Variants in ADGRV1 observed in about 807,000 individuals in gnomAD.
The protein encoded by ADGRV1 is G-protein coupled receptor 98.
In ADGRV1, 359 loss-of-function variants were observed where a neutral mutation model predicts 596.2. The observed-to-expected ratio is 0.60, with a 90% CI of 0.55 to 0.66. The LOEUF (loss-of-function observed/expected upper bound fraction) is 0.66. ADGRV1 is among the 30% of genes least tolerant of loss of function. The probability of loss-of-function intolerance (pLI) is 0.00; values close to 1 mark genes in which losing one functional copy is unlikely to be tolerated. For missense variants in ADGRV1, 7,274 were observed against 7,575.6 expected (o/e 0.96, Z 1.48); for synonymous variants, 2,681 against 2,679.2 (o/e 1.00, Z -0.02).
At chr5:90,652,597 A>G (rs1349916412) in intron 19 of ADGRV1, 34 bp downstream of exon 19, 9 of 1,367,954 alleles carry the variant, frequency 6.6e-6, no homozygotes, top group Non-Finnish European at 9.1e-6. Context: ...TTTTATTTCC[A>G]TGTCTTATTT....
chr5:91,123,005 C>A (rs760360579), intron 87 of ADGRV1, among the ~76,000 whole-genome samples: 3 of 152,192 alleles, frequency 2.0e-5, no homozygotes, highest in Non-Finnish European at 4.4e-5. Flanking sequence ...CCCTGGTCAT[C>A]CTTTTTCCAT....
At chr5:91,095,219 T>G (rs1477225805) in intron 86 of ADGRV1, among the ~76,000 whole-genome samples, 1 of 152,020 alleles carries the variant, frequency 6.6e-6, no homozygotes, top group Non-Finnish European at 1.5e-5. Context: ...TTTTTTTTTT[T>G]TACACGGGGT....
At chr5:90,693,228 C>CTG (rs778035263) in intron 32 of ADGRV1, among the ~76,000 whole-genome samples, 110 of 68,180 alleles carry the variant, frequency 1.6e-3, no homozygotes, top group Admixed American at 2.7e-3. Context: ...TGACAAGTCC[C>CTG]TGGTATCCAC....
In ADGRV1 at chr5:90,628,789, C is replaced by T. The variant is rs371781264; in HGVS notation, c.1466C>T (p.Pro489Leu). 2 of 1,613,962 alleles carry T rather than the reference C, an allele frequency of 1.2e-6. No individual in the cohort carries two copies. The highest frequency in any genetic ancestry group is 1.7e-6 in the Non-Finnish European group (2 of 1,179,872). ...GAAGCTTATCTACTTCAAATTCTGC[C>T]TCATACAATACGAGGAGGTGCAGAA... ...EAEAYLLQIL[P>L]HTIRGGAEVS... Residue 489 changes from proline (P) to leucine (L), a missense_variant, in exon 8 of 90, where the codon CCT becomes CTT. Pro to Leu is a moderately conservative substitution (Grantham distance 98, BLOSUM62 -3). This residue lies in a region of ADGRV1 where 1,715 missense variants were observed against 1,708.8 expected (regional missense o/e 1.00). Coordinates refer to ENST00000405460, the MANE Select transcript of ADGRV1 (RefSeq NM_032119.4).
At chr5:90,881,350 C>T (rs529175208) in intron 83 of ADGRV1, among the ~76,000 whole-genome samples, 3 of 152,170 alleles carry the variant, frequency 2.0e-5, no homozygotes, top group East Asian at 3.9e-4. Context: ...CCAGTGTTGC[C>T]GGAAATTATG....
intron 84 of ADGRV1, among the ~76,000 whole-genome samples, chr5:90,977,305 C>T (rs1779698739): frequency 6.6e-6 from 1 of 152,112 alleles, no homozygotes; most frequent in Non-Finnish European, 1.5e-5. Context: ...TTCTTAGACT[C>T]CCATCTGAAA....
At chr5:91,131,252 C>T (rs1260659853) in intron 87 of ADGRV1, among the ~76,000 whole-genome samples, 1 of 152,148 alleles carries the variant, frequency 6.6e-6, no homozygotes, top group Non-Finnish European at 1.5e-5. Flanking sequence ...ATAAAAATTC[C>T]CTTTTCTCTA....
chr5:90,950,029 A>G (rs1776926055), intron 83 of ADGRV1, among the ~76,000 whole-genome samples: 1 of 152,176 alleles, frequency 6.6e-6, no homozygotes, highest in Non-Finnish European at 1.5e-5. Flanking sequence ...TTAACAATTG[A>G]ATGTTTCTGA....
chr5:90,729,509 G>A, intron 49 of ADGRV1, 133 bp from the exon 50 acceptor site: 1 of 681,230 alleles, frequency 1.5e-6, no homozygotes, highest in Non-Finnish European at 2.4e-6. Flanking sequence ...CTATTAACTT[G>A]TATTTTTATT....
intron 1 of ADGRV1, among the ~76,000 whole-genome samples, chr5:90,579,501 T>G (rs574830678): frequency 6.6e-6 from 1 of 152,218 alleles, no homozygotes; most frequent in South Asian, 2.1e-4. Context: ...TCTTTTACAT[T>G]TGCTGAGGAG....
Position 91,058,462 on chromosome 5 carries a change from C to CTT in ADGRV1, c.18153-13973_18153-13972dup, listed in dbSNP as rs11414131. 3.0e-3 allele frequency among the ~76,000 whole-genome samples: 436 copies of CTT among 144,388 alleles called. 1 individual carries two copies. The highest frequency in any genetic ancestry group is 5.5e-3 in the South Asian group (25 of 4,522). The allele number at this position is 144,388 out of a possible 152,430, so 94.7% of individuals were successfully genotyped here. A position where few individuals can be genotyped will look rare whatever the true frequency, so the allele number is the denominator to read the frequency against. On this transcript the variant is annotated intron_variant, in intron 85 of 89. Transcript: ENST00000405460. ...TCCATAAAATCGTTAGGTAATTGAC[C>CTT]TTTTTTTTTTTTTGGCATCTTTTGC...
chr5:90,642,567 T>G (rs1221546998), intron 11 of ADGRV1, 69 bp from the exon 12 acceptor site: 20 of 1,561,588 alleles, frequency 1.3e-5, no homozygotes, highest in Non-Finnish European at 1.7e-5. Context: ...AATATTGCCT[T>G]AAAAGCCTGC....
At chr5:90,869,495 A>G (rs1337179469) in intron 83 of ADGRV1, among the ~76,000 whole-genome samples, 1 of 152,190 alleles carries the variant, frequency 6.6e-6, no homozygotes, top group African/African-American at 2.4e-5. Context: ...AAAATGGACT[A>G]AAGAAGGTAA....
At chr5:90,626,916 T>G (rs1165068784) in intron 6 of ADGRV1, among the ~76,000 whole-genome samples, 1 of 152,218 alleles carries the variant, frequency 6.6e-6, no homozygotes, top group African/African-American at 2.4e-5. Context: ...AGTTTTTTAC[T>G]GTTTAATCTT....
chr5:91,042,941 TC>T (rs369072700), intron 85 of ADGRV1, among the ~76,000 whole-genome samples: 1 of 152,084 alleles, frequency 6.6e-6, no homozygotes, highest in Non-Finnish European at 1.5e-5. Flanking sequence ...GTTTTTTTTT[TC>T]CTTCACAAGA....
Position 90,725,723 on chromosome 5 carries a change from A to G in ADGRV1, c.10161+67A>G, listed in dbSNP as rs150172402. On this transcript the variant is annotated intron_variant, in intron 48 of 89. Transcript: ENST00000405460. Reference sequence around the variant, plus strand: ...CTTTTTAACATTATAATTGAAATTTACCAAAGGTATGGTCTGCTGGTTTAG... The same window carrying G: ...CTTTTTAACATTATAATTGAAATTTGCCAAAGGTATGGTCTGCTGGTTTAG... The G allele has an allele frequency of 4.8e-4, 434 of 905,792 alleles. 7 individuals carry two copies. In the East Asian group the frequency reaches 9.7e-3, roughly 20 times the overall value. 56.1% of individuals were successfully genotyped at this position (905,792 alleles called of 1,614,324 possible). A position where few individuals can be genotyped will look rare whatever the true frequency, so the allele number is the denominator to read the frequency against.
chr5:90,914,645 T>G (rs1413061973), intron 83 of ADGRV1, among the ~76,000 whole-genome samples: 2 of 152,180 alleles, frequency 1.3e-5, no homozygotes, highest in African/African-American at 4.8e-5. Flanking sequence ...AAGAGATGAT[T>G]TCCCCATTTC....
At chr5:91,006,696 G>A (rs1401432547) in intron 85 of ADGRV1, among the ~76,000 whole-genome samples, 1 of 152,030 alleles carries the variant, frequency 6.6e-6, no homozygotes, top group Non-Finnish European at 1.5e-5. Flanking sequence ...TACTTCATGT[G>A]ATTTTTTAAA....
chr5:90,595,910 G>T (rs570874854), intron 1 of ADGRV1, among the ~76,000 whole-genome samples: 1 of 130,904 alleles, frequency 7.6e-6, no homozygotes, highest in Admixed American at 7.2e-5. Flanking sequence ...CCTCCCTCCC[G>T]GATGGGGTGG....
Sources: gnomAD v4.1 joint callset for allele counts (sites outside exome capture counted in the v4.1 genomes callset) on GRCh38, gnomAD v4.1.1 for gene constraint, gnomAD v4.1.1 regional missense constraint, MANE v1.5 for transcripts, NCBI Gene and HGNC (gene_info 2026-07-23, HGNC 2026-07-21) for gene names.